The following MTUS1 variants were observed in gnomAD, a reference collection of about 807,000 sequenced individuals.
The protein encoded by MTUS1 is microtubule-associated tumor suppressor 1.
A neutral mutation model predicts 120.8 loss-of-function variants in MTUS1; 109 were observed. The ratio of observed to expected loss-of-function variants is 0.90; its 90% CI spans 0.77 to 1.06. The LOEUF (loss-of-function observed/expected upper bound fraction) is 1.06. Ranked by LOEUF, MTUS1 falls within the 50% of genes least tolerant of loss-of-function variation. The probability of loss-of-function intolerance (pLI) is 0.00; values close to 1 mark genes in which losing one functional copy is unlikely to be tolerated. For missense variants in MTUS1, 2,210 were observed against 1,486.3 expected, an observed-to-expected ratio of 1.49 and a Z score of -8.01; for synonymous variants, 737 against 550.5, an observed-to-expected ratio of 1.34 and a Z score of -4.74.
chr8:17,742,126 T>C (rs146301113), intron 3 of MTUS1, among the ~76,000 whole-genome samples: 2 of 152,240 alleles, frequency 1.3e-5, no homozygotes, highest in African/African-American at 4.8e-5. Flanking sequence ...GGTTTTGCTC[T>C]GCTGCCCAGG....
At chr8:17,670,656 C>G (rs951948430) in intron 8 of MTUS1, among the ~76,000 whole-genome samples, 4 of 152,078 alleles carry the variant, frequency 2.6e-5, no homozygotes, top group African/African-American at 9.7e-5. Context: ...ATCCCTGTCT[C>G]TACTAAAAAT....
intron 1 of MTUS1, among the ~76,000 whole-genome samples, chr8:17,782,936 G>A (rs2050989225): frequency 6.6e-6 from 1 of 152,100 alleles, no homozygotes; most frequent in South Asian, 2.1e-4. Context: ...AAATTAGCCG[G>A]GTGTGGTAGT....
At chr8:17,727,950 C>A (rs374083462) in intron 3 of MTUS1, among the ~76,000 whole-genome samples, 62 of 152,210 alleles carry the variant, frequency 4.1e-4, no homozygotes, top group South Asian at 2.1e-3. Context: ...ACTAATCAAC[C>A]AATTTACTAA....
chr8:17,682,643 T>A (rs987978035), intron 7 of MTUS1, among the ~76,000 whole-genome samples: 6 of 150,962 alleles, frequency 4.0e-5, no homozygotes, highest in Admixed American at 2.0e-4. Context: ...GAAATGAGAG[T>A]TCACAGGACT....
At chr8:17,700,724 A>C (rs1175003504) in intron 6 of MTUS1, among the ~76,000 whole-genome samples, 1 of 152,078 alleles carries the variant, frequency 6.6e-6, no homozygotes, top group Non-Finnish European at 1.5e-5. Flanking sequence ...GCCAGAAAAA[A>C]ATTAAAAAGT....
intron 1 of MTUS1, among the ~76,000 whole-genome samples, chr8:17,790,468 T>C (rs892461498): frequency 6.6e-6 from 1 of 152,200 alleles, no homozygotes; most frequent in East Asian, 1.9e-4. Context: ...ATTGTTTCTA[T>C]ACAGTTCTAT....
intron 6 of MTUS1, among the ~76,000 whole-genome samples, chr8:17,688,006 A>C (rs972284110): frequency 1.3e-5 from 2 of 152,202 alleles, no homozygotes; most frequent in African/African-American, 4.8e-5. Flanking sequence ...AACCGTAACC[A>C]CATACTAGCA....
chr8:17,696,475 A>G (rs1385624460), intron 6 of MTUS1, among the ~76,000 whole-genome samples: 1 of 152,188 alleles, frequency 6.6e-6, no homozygotes, highest in African/African-American at 2.4e-5. Flanking sequence ...CAAAACAAAT[A>G]TAAAAACACC....
At chr8:17,777,830 T>C (rs991448924) in intron 1 of MTUS1, among the ~76,000 whole-genome samples, 1 of 152,172 alleles carries the variant, frequency 6.6e-6, no homozygotes, top group African/African-American at 2.4e-5. Flanking sequence ...ATTTTCCACA[T>C]CTGTGAAGAC....
intron 3 of MTUS1, among the ~76,000 whole-genome samples, chr8:17,729,942 A>G (rs1309933510): frequency 1.3e-5 from 2 of 151,176 alleles, no homozygotes; most frequent in East Asian, 3.9e-4. Flanking sequence ...GCAAATCACA[A>G]TCGCGCGAGA....
At chr8:17,714,769 C>T (rs775685035) in intron 5 of MTUS1, among the ~76,000 whole-genome samples, 1 of 151,688 alleles carries the variant, frequency 6.6e-6, no homozygotes, top group African/African-American at 2.4e-5. Context: ...AAGGAAGACT[C>T]TTTGTTTCTG....
intron 1 of MTUS1, among the ~76,000 whole-genome samples, chr8:17,789,562 T>G (rs2131575827): frequency 6.6e-6 from 1 of 152,334 alleles, no homozygotes. Context: ...AATTTTCCAT[T>G]TGAATCACGC....
At chr8:17,786,240 G>A (rs1005541611) in intron 1 of MTUS1, among the ~76,000 whole-genome samples, 6 of 152,096 alleles carry the variant, frequency 3.9e-5, no homozygotes, top group African/African-American at 1.4e-4. Context: ...ACACACGCAC[G>A]AGCCTAGGAC....
chr8:17,721,612 A>C (rs576334610), intron 4 of MTUS1: 2 of 1,363,312 alleles, frequency 1.5e-6, no homozygotes, highest in Non-Finnish European at 2.0e-6. Flanking sequence ...ACCATAAATT[A>C]CAAGTTACAA....
At chr8:17,705,305 C>T (rs1819938005) in intron 6 of MTUS1, among the ~76,000 whole-genome samples, 1 of 152,230 alleles carries the variant, frequency 6.6e-6, no homozygotes, top group East Asian at 1.9e-4. Flanking sequence ...TTTTTTAAAG[C>T]TTTTGTTGTC....
At chr8:17,668,492 T>C (rs993786302) in intron 8 of MTUS1, among the ~76,000 whole-genome samples, 1 of 152,194 alleles carries the variant, frequency 6.6e-6, no homozygotes, top group Non-Finnish European at 1.5e-5. Flanking sequence ...ATGTAGACCA[T>C]TTAACTGTAA....
chr8:17,649,887 G>A lies in MTUS1; in HGVS notation c.3460C>T (p.Leu1154=). 2 of 1,609,100 alleles carry A rather than the reference G, an allele frequency of 1.2e-6. No homozygotes were observed. The highest frequency in any genetic ancestry group is 1.1e-5 in the South Asian group (1 of 90,960). Residue 1154 remains leucine, a synonymous_variant, in exon 13 of 15, where the codon CTG becomes TTG. Transcript: ENST00000693296. ...ATTAACTTGATGTCCTGTTGATGCA[G>A]TTTCTCATTCTTGATCTCTAACACA... The part of the protein sequence containing the change: ...KAVLEIKNEK[L]HQQDIKLMKM...
In MTUS1 at chr8:17,798,690, G is replaced by C. The variant is rs376699776; in HGVS notation, c.-155+2371C>G. On this transcript the variant is annotated intron_variant, in intron 1 of 14. Transcript: ENST00000693296. ...CATATAGTTCTGAAGCTACGATTTA[G>C]AAGTGTTAAAAATTCTGTTTTGAGA... Among the ~76,000 whole-genome samples, 4 of 152,312 alleles carry C rather than the reference G, an allele frequency of 2.6e-5. No individual in the cohort carries two copies. In the East Asian group the frequency reaches 5.8e-4, roughly 22 times the overall value.
In MTUS1 at chr8:17,684,360, A is replaced by G; in HGVS notation, c.2806T>C (p.Leu936=). 6.2e-7 allele frequency: 1 copy of G among 1,614,206 alleles called. No individual in the cohort carries two copies. The highest frequency in any genetic ancestry group is 8.5e-7 in the Non-Finnish European group (1 of 1,180,022). Residue 936 remains leucine, a synonymous_variant, in exon 7 of 15, where the codon TTG becomes CTG. Coordinates refer to ENST00000693296, the MANE Select transcript of MTUS1 (RefSeq NM_001363059.2). ...AGCAGGTGCTGAATCACAACTGTCA[A>G]TGCCTCAAACTTGGTATTACCACAG... is the stretch of plus-strand genomic sequence containing the variant. The part of the protein sequence containing the change: ...LACGNTKFEA[L]TVVIQHLLSE...
Sources: allele counts gnomAD v4.1 joint callset (sites outside exome capture counted in the v4.1 genomes callset), GRCh38; gene constraint gnomAD v4.1.1; transcripts MANE v1.5; gene names NCBI Gene and HGNC (gene_info 2026-07-23, HGNC 2026-07-21).